FCHSD2: variants seen among roughly 807,000 people sequenced by gnomAD.
FCHSD2 encodes the protein F-BAR and double SH3 domains protein 2.
A neutral mutation model predicts 108.1 loss-of-function variants in FCHSD2; 38 were observed. The observed-to-expected ratio is 0.35, with a 90% CI of 0.27 to 0.46. FCHSD2 has a LOEUF of 0.46. Ranked by LOEUF, FCHSD2 falls within the 20% of genes least tolerant of loss-of-function variation. The pLI, the probability that FCHSD2 is intolerant of heterozygous loss-of-function variation, is 1.00. For synonymous variants in FCHSD2, 279 were observed against 314.7 expected, an observed-to-expected ratio of 0.89 and a Z score of 1.20; for missense variants, 751 against 897.8, an observed-to-expected ratio of 0.84 and a Z score of 2.09.
chr11:72,946,042 C>A (rs1220818334), intron 8 of FCHSD2, among the ~76,000 whole-genome samples: 1 of 152,150 alleles, frequency 6.6e-6, no homozygotes, highest in Non-Finnish European at 1.5e-5. Context: ...CATTCCATTA[C>A]CGAGTATATA....
chr11:73,002,984 T>C (rs1298115973), intron 4 of FCHSD2, among the ~76,000 whole-genome samples: 17 of 152,238 alleles, frequency 1.1e-4, no homozygotes, highest in Admixed American at 1.0e-3. Flanking sequence ...GTTACAATAA[T>C]ATATGTTGAA....
rs552752243 is a variant in FCHSD2 at position 72,946,694 on chromosome 11, T to C, written c.706-24744A>G. On this transcript the variant is annotated intron_variant, in intron 8 of 19. Transcript: ENST00000409418. ...TTAAAATACGATGGTATAAACAGAG[T>C]AATAGCTACCATTTACAGAATATCT... is the stretch of plus-strand genomic sequence containing the variant. 2.0e-5 allele frequency among the ~76,000 whole-genome samples: 3 copies of C among 152,274 alleles called. No homozygotes were observed. The South Asian group carries it at 6.2e-4, about 32-fold the overall frequency.
chr11:73,044,926 C>T (rs1000734829), intron 3 of FCHSD2, among the ~76,000 whole-genome samples: 6 of 151,986 alleles, frequency 3.9e-5, no homozygotes, highest in African/African-American at 1.4e-4. Flanking sequence ...AAAAATTAGC[C>T]GGGTGTGGTG....
At chr11:72,894,387 A>C (rs1178952186) in intron 10 of FCHSD2, among the ~76,000 whole-genome samples, 1 of 152,092 alleles carries the variant, frequency 6.6e-6, no homozygotes, top group African/African-American at 2.4e-5. Context: ...TCTTAAAAAA[A>C]ATTAGCACAT....
chr11:72,921,933 C>T lies in FCHSD2; in HGVS notation c.723G>A (p.Val241=), dbSNP rs1855982661. The T allele has an allele frequency of 4.4e-6, 7 of 1,592,684 alleles. No homozygotes were observed. The highest frequency in any genetic ancestry group is 2.7e-5 in the African/African-American group (2 of 74,652). Residue 241 remains valine, a synonymous_variant, in exon 9 of 20, where the codon GTG becomes GTA. Coordinates refer to ENST00000409418, the MANE Select transcript of FCHSD2 (RefSeq NM_014824.3). ...TTAAATAATCCTTGAGATGATCATA[C>T]ACATTTCCATCAAGAGCCTGTAATA... The part of the protein sequence containing the change: ...VNIMKALDGN[V]YDHLKDYLIA...
intron 6 of FCHSD2, among the ~76,000 whole-genome samples, chr11:72,987,241 C>T (rs1857328523): frequency 6.6e-6 from 1 of 152,170 alleles, no homozygotes; most frequent in South Asian, 2.1e-4. Flanking sequence ...CTCCTTATCT[C>T]TACTTAGAAA....
chr11:73,047,307 C>T (rs780680403), intron 3 of FCHSD2, among the ~76,000 whole-genome samples: 1 of 151,700 alleles, frequency 6.6e-6, no homozygotes, highest in African/African-American at 2.4e-5. Context: ...AAGCTACATA[C>T]CTAAATGATA....
intron 5 of FCHSD2, among the ~76,000 whole-genome samples, chr11:72,992,369 A>G (rs1215942919): frequency 1.3e-5 from 2 of 152,216 alleles, no homozygotes; most frequent in Non-Finnish European, 2.9e-5. Flanking sequence ...TGCCATCCCC[A>G]TCAAGCTACC....
intron 5 of FCHSD2, among the ~76,000 whole-genome samples, chr11:72,994,759 C>G (rs539533057): frequency 4.0e-4 from 61 of 151,848 alleles, no homozygotes; most frequent in Non-Finnish European, 8.4e-4. Flanking sequence ...GAGCGAGACT[C>G]CATCTCAAAA....
chr11:72,921,229 A>G (rs1236361155), intron 9 of FCHSD2, among the ~76,000 whole-genome samples: 2 of 152,260 alleles, frequency 1.3e-5, no homozygotes, highest in Non-Finnish European at 2.9e-5. Flanking sequence ...CTTCCAAAGG[A>G]TAGTTTCACG....
intron 3 of FCHSD2, among the ~76,000 whole-genome samples, chr11:73,039,443 G>A (rs561685406): frequency 1.6e-4 from 24 of 152,028 alleles, no homozygotes; most frequent in Non-Finnish European, 3.5e-4. Flanking sequence ...GCTTGAACCC[G>A]GGAGATGGAG....
intron 2 of FCHSD2, among the ~76,000 whole-genome samples, chr11:73,086,042 G>A (rs1859806769): frequency 6.6e-6 from 1 of 152,218 alleles, no homozygotes; most frequent in Non-Finnish European, 1.5e-5. Context: ...AAAACTATGT[G>A]CGGGCAAAAT....
At chr11:73,059,285 T>G (rs1859106514) in intron 3 of FCHSD2, among the ~76,000 whole-genome samples, 1 of 152,180 alleles carries the variant, frequency 6.6e-6, no homozygotes, top group South Asian at 2.1e-4. Context: ...GTGGGTTTTT[T>G]TTTTAACCCC....
chr11:72,910,337 C>A (rs1040436617), intron 9 of FCHSD2, among the ~76,000 whole-genome samples: 7 of 152,218 alleles, frequency 4.6e-5, no homozygotes, highest in African/African-American at 1.7e-4. Flanking sequence ...GAAGAGACAG[C>A]GACCATCGAG....
intron 10 of FCHSD2, among the ~76,000 whole-genome samples, chr11:72,890,225 T>C (rs1855285701): frequency 1.3e-5 from 2 of 152,344 alleles, no homozygotes; most frequent in Admixed American, 1.3e-4. Flanking sequence ...GATGGACTTA[T>C]CTTTCCGAGT....
chr11:72,946,821 G>A (rs1856529698), intron 8 of FCHSD2, among the ~76,000 whole-genome samples: 1 of 152,170 alleles, frequency 6.6e-6, no homozygotes, highest in African/African-American at 2.4e-5. Context: ...GTCCCAAGAT[G>A]TTAAGTATAA....
chr11:72,938,700 A>G (rs964692434), intron 8 of FCHSD2, among the ~76,000 whole-genome samples: 1 of 152,176 alleles, frequency 6.6e-6, no homozygotes, highest in Non-Finnish European at 1.5e-5. Context: ...CGTATTCTAC[A>G]CAAACAGTAG....
chr11:72,877,525 C>T (rs932080656), intron 12 of FCHSD2, among the ~76,000 whole-genome samples: 1 of 152,016 alleles, frequency 6.6e-6, no homozygotes, highest in African/African-American at 2.4e-5. Flanking sequence ...TTAATATTGT[C>T]ATCTAAAATA....
intron 2 of FCHSD2, among the ~76,000 whole-genome samples, chr11:73,113,300 G>A (rs1860531527): frequency 6.7e-6 from 1 of 148,288 alleles, no homozygotes; most frequent in South Asian, 2.1e-4. Context: ...TGTTTCTCCA[G>A]GACTGTTCCC....
Sources: gnomAD v4.1 joint callset for allele counts (sites outside exome capture counted in the v4.1 genomes callset) on GRCh38, gnomAD v4.1.1 for gene constraint, MANE v1.5 for transcripts, NCBI Gene and HGNC (gene_info 2026-07-23, HGNC 2026-07-21) for gene names.